Variants in NYAP2 observed in about 807,000 individuals in gnomAD.
NYAP2 encodes the protein neuronal tyrosine-phosphorylated phosphoinositide-3-kinase adapter 2.
Under a neutral mutation model 50.4 loss-of-function variants are expected in NYAP2, and 23 were observed. That is an observed-to-expected ratio of 0.46 (90% CI 0.33 to 0.65). NYAP2 has a LOEUF of 0.65. Among genes scored for constraint, NYAP2 ranks in the 30% least tolerant of loss-of-function variants. The probability of loss-of-function intolerance (pLI) is 0.02; values close to 1 mark genes in which losing one functional copy is unlikely to be tolerated. For missense variants in NYAP2, 885 were observed against 861.0 expected (o/e 1.03, Z -0.35); for synonymous variants, 394 against 365.2 (o/e 1.08, Z -0.90).
chr2:225,486,475 C>T (rs1414698213), intron 3 of NYAP2, among the ~76,000 whole-genome samples: 3 of 152,160 alleles, frequency 2.0e-5, no homozygotes, highest in Non-Finnish European at 2.9e-5. Context: ...GTGTGAGGAG[C>T]AGGCAGGCGC....
At chr2:225,643,437 T>C (rs1251571020) in intron 6 of NYAP2, among the ~76,000 whole-genome samples, 3 of 151,890 alleles carry the variant, frequency 2.0e-5, no homozygotes, top group Non-Finnish European at 4.4e-5. Context: ...CTTATAATCT[T>C]TTTTTTTAAT....
intron 5 of NYAP2, among the ~76,000 whole-genome samples, chr2:225,602,533 C>G (rs1348068910): frequency 6.6e-6 from 1 of 152,100 alleles, no homozygotes; most frequent in Non-Finnish European, 1.5e-5. Context: ...TTCTTTCTTT[C>G]TCCTCTCTCA....
chr2:225,654,056 A>T (rs1693784440), downstream of NYAP2: 1 of 152,298 alleles, frequency 6.6e-6, no homozygotes, highest in Admixed American at 6.6e-5. Flanking sequence ...AAAACTTATT[A>T]AAAGTCCTTT....
intron 6 of NYAP2, among the ~76,000 whole-genome samples, chr2:225,637,566 G>A (rs1006870060): frequency 2.0e-5 from 3 of 152,122 alleles, no homozygotes; most frequent in African/African-American, 4.8e-5. Context: ...TCTGTTCACC[G>A]TTTTCTCACT....
the NYAP2 span, among the ~76,000 whole-genome samples, chr2:225,689,580 T>A: frequency 1.1e-4 from 16 of 152,148 alleles, no homozygotes; most frequent in Admixed American, 7.9e-4. Flanking sequence ...TTTCAATATG[T>A]CTATATCTCA....
chr2:225,446,827 G>C (rs1459342248), intron 3 of NYAP2, among the ~76,000 whole-genome samples: 1 of 152,072 alleles, frequency 6.6e-6, no homozygotes, highest in Non-Finnish European at 1.5e-5. Flanking sequence ...AAAAGACAAT[G>C]AGCCCAAATA....
At chr2:225,474,616 G>T (rs902038505) in intron 3 of NYAP2, among the ~76,000 whole-genome samples, 1 of 152,158 alleles carries the variant, frequency 6.6e-6, no homozygotes, top group Admixed American at 6.5e-5. Flanking sequence ...CTGTTTGTCT[G>T]TTATTGGTGT....
At chr2:225,563,832 A>G (rs970856876) in intron 4 of NYAP2, among the ~76,000 whole-genome samples, 3 of 152,028 alleles carry the variant, frequency 2.0e-5, no homozygotes, top group Non-Finnish European at 4.4e-5. Context: ...CAAATTGTCT[A>G]TGTGTTGAAG....
chr2:225,477,532 G>A (rs897222979), intron 3 of NYAP2, among the ~76,000 whole-genome samples: 11 of 151,896 alleles, frequency 7.2e-5, no homozygotes, highest in African/African-American at 1.5e-4. Context: ...CACCGTGCCC[G>A]GCCGAGAGTC....
At chr2:225,418,579 T>A (rs1252183219) in intron 3 of NYAP2, among the ~76,000 whole-genome samples, 1 of 152,088 alleles carries the variant, frequency 6.6e-6, no homozygotes, top group Non-Finnish European at 1.5e-5. Flanking sequence ...GCAAAAAGGA[T>A]GGTGTTTCCA....
chr2:225,644,197 C>G (rs200840376), intron 6 of NYAP2, among the ~76,000 whole-genome samples: 3 of 151,720 alleles, frequency 2.0e-5, no homozygotes, highest in African/African-American at 4.8e-5. Flanking sequence ...GCCAGTGATG[C>G]TGAGCATTTT....
At chr2:225,505,247 A>G (rs1401371942) in intron 3 of NYAP2, among the ~76,000 whole-genome samples, 2 of 152,170 alleles carry the variant, frequency 1.3e-5, no homozygotes, top group Non-Finnish European at 2.9e-5. Context: ...TTAATGTCTG[A>G]AAAAAACTAG....
chr2:225,620,443 GCACACGCACGCACACACGCGCATGCA>G (rs1693076636), intron 5 of NYAP2, among the ~76,000 whole-genome samples: 6 of 87,968 alleles, frequency 6.8e-5, no homozygotes, highest in African/African-American at 2.3e-4. Flanking sequence ...ACACACGCAC[GCACACGCACGCACACACGCGCATGCA>G]CACGCACACG....
Position 225,561,212 on chromosome 2 carries a change from A to G in NYAP2, c.524-20729A>G, listed in dbSNP as rs1035612000. On this transcript the variant is annotated intron_variant, in intron 4 of 6. Transcript: ENST00000636099. ...GATGACCATTTTGAATAAGGTGGTC[A>G]TGAGAAACCCTCAGTGATGAGGTGA... Among the ~76,000 whole-genome samples the G allele has an allele frequency of 2.6e-5, 4 of 152,248 alleles. No homozygotes were observed. In the East Asian group the frequency reaches 5.8e-4, roughly 22 times the overall value.
chr2:225,511,327 A>AACACACACACACAC (rs571887973), intron 3 of NYAP2, among the ~76,000 whole-genome samples: 2 of 129,842 alleles, frequency 1.5e-5, no homozygotes, highest in East Asian at 4.4e-4. Context: ...CGTTCTTTAA[A>AACACACACACACAC]ACACACACAC....
rs1694991464 is a variant in NYAP2, at chr2:225,409,218, G to A, written c.221+117G>A. The A allele has an allele frequency of 5.6e-6, 4 of 715,210 alleles. No homozygotes were observed. In the Admixed American group the frequency reaches 8.4e-5, roughly 15 times the overall value. 44.3% of individuals were successfully genotyped at this position (715,210 alleles called of 1,614,324 possible). A position where few individuals can be genotyped will look rare whatever the true frequency, so the allele number is the denominator to read the frequency against. The stretch of plus-strand genomic sequence containing the variant: ...GGTCTTCCAGAGTCAGTTAGACTTG[G>A]TGAGAGCATATGAAAGCGACCCCTC... On this transcript the variant is annotated intron_variant, in intron 3 of 6. Transcript: ENST00000636099.
rs369037072 is a variant in NYAP2 at position 225,404,392 on chromosome 2, T to C, written c.-18+3349T>C. On this transcript the variant is annotated intron_variant, in intron 2 of 6. Transcript: ENST00000636099. ...TTGACATAGCAGACTTAGCTTATGC[T>C]CCACATGTGTATATAATGGGTAGTT... Among the ~76,000 whole-genome samples, 11 of 152,136 alleles carry C rather than the reference T, an allele frequency of 7.2e-5. No individual in the cohort carries two copies. The East Asian group carries it at 1.2e-3, about 16-fold the overall frequency.
chr2:225,576,777 G>A (rs1489697359), intron 4 of NYAP2, among the ~76,000 whole-genome samples: 1 of 152,168 alleles, frequency 6.6e-6, no homozygotes, highest in African/African-American at 2.4e-5. Context: ...TTGTTTCAAA[G>A]GGTGTGGAAT....
intron 4 of NYAP2, among the ~76,000 whole-genome samples, chr2:225,548,426 CA>C (rs1287990207): frequency 6.6e-6 from 1 of 150,904 alleles, no homozygotes; most frequent in Non-Finnish European, 1.5e-5. Flanking sequence ...AAATTGTAAC[CA>C]AATATAAGTA....
Sources: allele counts gnomAD v4.1 joint callset (sites outside exome capture counted in the v4.1 genomes callset), GRCh38; gene constraint gnomAD v4.1.1; transcripts MANE v1.5; gene names NCBI Gene and HGNC (gene_info 2026-07-23, HGNC 2026-07-21).